The following SUPT16H variants were observed in gnomAD, a reference collection of about 807,000 sequenced individuals.
SUPT16H encodes the protein SPT16 homolog, facilitates chromatin remodeling subunit.
In SUPT16H, 24 loss-of-function variants were observed where a neutral mutation model predicts 136.2. The observed-to-expected ratio is 0.18, with a 90% confidence interval of 0.13 to 0.25. The LOEUF (loss-of-function observed/expected upper bound fraction) is 0.25. Ranked by LOEUF, SUPT16H falls within the 10% of genes least tolerant of loss-of-function variation. The pLI is 1.00. For missense variants in SUPT16H, 623 were observed against 1,270.2 expected (o/e 0.49, Z 7.74); for synonymous variants, 415 against 428.2 (o/e 0.97, Z 0.38).
At chr14:21,366,618 G>T in intron 7 of SUPT16H, 89 bp from the exon 8 acceptor site, 1 of 1,246,498 alleles carries the variant, frequency 8.0e-7, no homozygotes, top group Non-Finnish European at 1.1e-6. Flanking sequence ...GTCCCCTAAA[G>T]CAGTGTTTCT....
At chr14:21,375,908 G>A (rs746374873) in intron 1 of SUPT16H, among the ~76,000 whole-genome samples, 56 of 152,250 alleles carry the variant, frequency 3.7e-4, no homozygotes, top group Admixed American at 6.5e-4. Context: ...ATTTTCTTGT[G>A]CTTTTGGTGT....
At chr14:21,363,573 G>A in intron 10 of SUPT16H, 70 bp from the exon 11 acceptor site, 3 of 1,332,472 alleles carry the variant, frequency 2.3e-6, no homozygotes, top group Non-Finnish European at 3.2e-6. Flanking sequence ...CTAGTAAACG[G>A]CTGGGCAATG....
intron 1 of SUPT16H, among the ~76,000 whole-genome samples, chr14:21,381,010 T>C (rs1887010854): frequency 6.6e-6 from 1 of 151,908 alleles, no homozygotes; most frequent in Non-Finnish European, 1.5e-5. Context: ...TGCGATATTC[T>C]AATAATACAG....
At chr14:21,372,531 T>C (rs1886808878) in intron 2 of SUPT16H, 2 of 318,684 alleles carry the variant, frequency 6.3e-6, no homozygotes, top group African/African-American at 4.4e-5. Context: ...AAAATGGTAG[T>C]GTGTGGAGCT....
At position 21,369,904 on chromosome 14, in the gene SUPT16H, CAA is replaced by C; in HGVS notation, c.484-10_484-9del. ...AACTGCACTGATATCTATCTGCAGT[CAA>C]AGTGACAAGAGTTTCTAACATGCAA... On this transcript the variant is annotated splice_polypyrimidine_tract_variant and intron_variant, in intron 4 of 25. Coordinates refer to ENST00000216297, the MANE Select transcript of SUPT16H (RefSeq NM_007192.4). The C allele has an allele frequency of 6.2e-7, 1 of 1,612,334 alleles. No homozygotes were observed. Among genetic ancestry groups the C allele is most frequent in the Non-Finnish European group, 8.5e-7 (1 of 1,178,918 alleles).
chr14:21,381,122 G>GTTT (rs1225674873), intron 1 of SUPT16H, among the ~76,000 whole-genome samples: 1 of 151,906 alleles, frequency 6.6e-6, no homozygotes, highest in Non-Finnish European at 1.5e-5. Flanking sequence ...TAAAACAATA[G>GTTT]TACGTTCTAA....
Position 21,352,237 on chromosome 14 carries a change from G to A in SUPT16H, c.*436C>T, listed in dbSNP as rs1886326308. 7 of 177,246 alleles carry A rather than the reference G, an allele frequency of 3.9e-5. No individual in the cohort carries two copies. 11.0% of individuals were successfully genotyped at this position (177,246 alleles called of 1,614,324 possible). On this transcript the variant is annotated 3_prime_UTR_variant, in exon 26 of 26. Coordinates refer to ENST00000216297, the MANE Select transcript of SUPT16H (RefSeq NM_007192.4). ...AGATAAAACTTAGAGATGTGCGGAA[G>A]GTCATGGCAGTAGGGTAGGTTGGAG... is the stretch of plus-strand genomic sequence containing the variant.
At chr14:21,377,697 C>G (rs1177714945) in intron 1 of SUPT16H, among the ~76,000 whole-genome samples, 1 of 151,856 alleles carries the variant, frequency 6.6e-6, no homozygotes. Context: ...GATCTCAGCT[C>G]ACTGTGGCCT....
intron 4 of SUPT16H, 85 bp downstream of exon 4, chr14:21,370,251 A>T: frequency 2.0e-6 from 3 of 1,484,792 alleles, no homozygotes; most frequent in Non-Finnish European, 1.8e-6. Context: ...TTCCCAAAAC[A>T]AACGTCCTGC....
At chr14:21,370,191 C>A in intron 4 of SUPT16H, 145 bp downstream of exon 4, 1 of 1,161,750 alleles carries the variant, frequency 8.6e-7, no homozygotes, top group South Asian at 1.6e-5. Flanking sequence ...AAAAATAAAA[C>A]TGGCACACTG....
At chr14:21,366,636 T>G in intron 7 of SUPT16H, 107 bp from the exon 8 acceptor site, 1 of 1,035,482 alleles carries the variant, frequency 9.7e-7, no homozygotes, top group Non-Finnish European at 1.4e-6. Context: ...TCTCAAAGTG[T>G]GAACTAAACA....
rs1886337111 is a variant in SUPT16H, at chr14:21,352,598, T to TA, written c.*74dup. The TA allele has an allele frequency of 6.3e-7, 1 of 1,596,968 alleles. No individual in the cohort carries two copies. The highest frequency in any genetic ancestry group is 8.5e-7 in the Non-Finnish European group (1 of 1,173,126). On this transcript the variant is annotated 3_prime_UTR_variant, in exon 26 of 26. Coordinates refer to ENST00000216297, the MANE Select transcript of SUPT16H (RefSeq NM_007192.4). ...CTTCAAATGAAAACGAAAGGAAAAA[T>TA]ACAGTTTCTATGTCATGTAAAATTT...
rs770612956 is a variant in SUPT16H, at chr14:21,357,958, G to C, written c.2459C>G (p.Thr820Ser). 6 of 1,613,814 alleles carry C rather than the reference G, an allele frequency of 3.7e-6. No individual in the cohort carries two copies. ...PYRSTCLLQP[T>S]SSALVNATEW... ...CGTAGCATTTACCAGCGCACTACTA[G>C]TGGGCTGAAGGAGGCAGGTACTCCT... The change falls in exon 21 of 26, where the codon ACT becomes AGT. Residue 820 changes from threonine (T) to serine (S), a missense_variant. By Grantham distance (58) the Thr-to-Ser change is moderately conservative (BLOSUM62 1). This residue lies in a region of SUPT16H where 74 missense variants were observed against 193.8 expected (regional missense o/e 0.38). Coordinates refer to ENST00000216297, the MANE Select transcript of SUPT16H (RefSeq NM_007192.4).
Position 21,372,858 on chromosome 14 carries a change from A to G in SUPT16H, c.159+480T>C, listed in dbSNP as rs141961116. The G allele has an allele frequency of 9.8e-4, 331 of 339,074 alleles. 6 individuals carry two copies. The East Asian group carries it at 0.021, about 21-fold the overall frequency. 21.0% of individuals were successfully genotyped at this position (339,074 alleles called of 1,614,324 possible). A position where few individuals can be genotyped will look rare whatever the true frequency, so the allele number is the denominator to read the frequency against. ...GCTAAATCCAATTGAACTTTATGTG[A>G]TGGTGAAAATACCATTTATCTGCTC... On this transcript the variant is annotated intron_variant, in intron 2 of 25. Transcript: ENST00000216297.
At chr14:21,362,732 C>A in intron 14 of SUPT16H, 62 bp downstream of exon 14, 1 of 1,525,984 alleles carries the variant, frequency 6.6e-7, no homozygotes, top group South Asian at 1.3e-5. Flanking sequence ...TTATTTATGG[C>A]AAATACAATT....
Position 21,352,566 on chromosome 14 carries a change from G to T in SUPT16H, c.*107C>A. 1.3e-6 allele frequency: 2 copies of T among 1,562,412 alleles called. No homozygotes were observed. Among genetic ancestry groups the T allele is most frequent in the African/African-American group, 1.4e-5 (1 of 73,244 alleles). ...GCCCCCTAAACCCATAAACACAAAT[G>T]GCAAAACTTCAAATGAAAACGAAAG... On this transcript the variant is annotated 3_prime_UTR_variant, in exon 26 of 26. Coordinates refer to ENST00000216297, the MANE Select transcript of SUPT16H (RefSeq NM_007192.4).
chr14:21,380,642 T>C (rs1420032314), intron 1 of SUPT16H, among the ~76,000 whole-genome samples: 1 of 152,160 alleles, frequency 6.6e-6, no homozygotes, highest in African/African-American at 2.4e-5. Context: ...ACAGTTGGTG[T>C]ATGCTCACAA....
In SUPT16H at chr14:21,353,497, C is replaced by A; in HGVS notation, c.2989G>T (p.Ala997Ser). The A allele has an allele frequency of 6.2e-7, 1 of 1,613,766 alleles. No individual in the cohort carries two copies. Among genetic ancestry groups the A allele is most frequent in the Non-Finnish European group, 8.5e-7 (1 of 1,179,958 alleles). The change falls in exon 25 of 26, where the codon GCC (alanine) becomes TCC (serine). Residue 997 changes from alanine to serine, a missense_variant. Transcript: ENST00000216297. ...GKDWDELEEE[A>S]RKADRESRYE... ...ACACATTTTTAAAAACCTTTTCGGG[C>A]TTCTTCCTCCAGTTCATCCCAATCC... is the stretch of plus-strand genomic sequence containing the variant.
intron 17 of SUPT16H, 70 bp from the exon 18 acceptor site, chr14:21,360,603 G>T: frequency 7.3e-7 from 1 of 1,377,910 alleles, no homozygotes; most frequent in Non-Finnish European, 1.0e-6. Flanking sequence ...CAACTCTTCT[G>T]GCTGATTTGC....
Sources: allele counts gnomAD v4.1 joint callset (sites outside exome capture counted in the v4.1 genomes callset), GRCh38; gene constraint gnomAD v4.1.1; regional missense constraint gnomAD v4.1.1; transcripts MANE v1.5; gene names NCBI Gene and HGNC (gene_info 2026-07-23, HGNC 2026-07-21).